Variants in LYPLA1 observed in about 807,000 individuals in gnomAD.
LYPLA1 encodes acyl-protein thioesterase 1.
In LYPLA1, 17 loss-of-function variants were observed where a neutral mutation model predicts 34.0. That is an observed-to-expected ratio of 0.50 (90% confidence interval 0.34 to 0.75). The LOEUF is 0.75. Ranked by LOEUF, LYPLA1 falls within the 30% of genes least tolerant of loss-of-function variation. LYPLA1 has a pLI of 0.01. For synonymous variants in LYPLA1, 98 were observed against 100.8 expected (o/e 0.97, Z 0.17); for missense variants, 203 against 288.8 (o/e 0.70, Z 2.15).
chr8:54,078,231 C>T (rs1182434160), intron 2 of LYPLA1, among the ~76,000 whole-genome samples: 2 of 152,094 alleles, frequency 1.3e-5, no homozygotes, highest in Admixed American at 6.6e-5. Flanking sequence ...GGATTACAAG[C>T]GTGAGCCACC....
intron 2 of LYPLA1, among the ~76,000 whole-genome samples, chr8:54,096,005 AATGTGAATGG>A (rs1420355621): frequency 6.6e-6 from 1 of 152,206 alleles, no homozygotes; most frequent in African/African-American, 2.4e-5. Context: ...AAATCAATGA[AATGTGAATGG>A]AGCTGGTGGA....
intron 5 of LYPLA1, among the ~76,000 whole-genome samples, chr8:54,062,015 C>T (rs910548067): frequency 1.4e-4 from 21 of 152,186 alleles, no homozygotes; most frequent in African/African-American, 4.1e-4. Flanking sequence ...ACCACCATAT[C>T]CAGCTAATTT....
chr8:54,049,855 CT>C (rs1176486650), intron 8 of LYPLA1, among the ~76,000 whole-genome samples: 5 of 152,172 alleles, frequency 3.3e-5, no homozygotes, highest in African/African-American at 9.6e-5. Flanking sequence ...TGCATTTTGG[CT>C]TTATCTACCC....
intron 2 of LYPLA1, among the ~76,000 whole-genome samples, chr8:54,097,656 C>G (rs1038798197): frequency 3.3e-5 from 5 of 152,188 alleles, no homozygotes; most frequent in African/African-American, 1.2e-4. Context: ...CAGCTGCCCA[C>G]AGTCAACTGT....
chr8:54,052,588 T>C, intron 7 of LYPLA1, 67 bp downstream of exon 7: 1 of 991,084 alleles, frequency 1.0e-6, no homozygotes, highest in Non-Finnish European at 1.6e-6. Context: ...GATGACTTTA[T>C]CTCCAACAAT....
chr8:54,089,798 T>C (rs1185814608), intron 2 of LYPLA1, among the ~76,000 whole-genome samples: 1 of 152,112 alleles, frequency 6.6e-6, no homozygotes, highest in East Asian at 1.9e-4. Context: ...CAATTTTTTG[T>C]ATTCTTTGTA....
At chr8:54,050,878 T>C (rs1805793041) in intron 8 of LYPLA1, 134 bp downstream of exon 8, 2 of 866,744 alleles carry the variant, frequency 2.3e-6, no homozygotes, top group Non-Finnish European at 3.6e-6. Context: ...CACACTCATC[T>C]AATGACTGCT....
intron 2 of LYPLA1, among the ~76,000 whole-genome samples, chr8:54,084,133 A>ATATATATATATATATATATATATAT (rs1808511933): frequency 8.3e-6 from 1 of 120,484 alleles, no homozygotes; most frequent in African/African-American, 4.6e-5. Flanking sequence ...AGAAAAAAAA[A>ATATATATATATATATATATATATAT]ATAAATAAAT....
At chr8:54,069,833 G>A (rs1187667855) in intron 2 of LYPLA1, among the ~76,000 whole-genome samples, 1 of 151,988 alleles carries the variant, frequency 6.6e-6, no homozygotes, top group East Asian at 1.9e-4. Context: ...AAAAAAATAG[G>A]CAAAAGACTT....
chr8:54,052,558 T>C, intron 7 of LYPLA1, 97 bp downstream of exon 7: 1 of 776,678 alleles, frequency 1.3e-6, no homozygotes, highest in African/African-American at 1.8e-5. Flanking sequence ...AAAATAAAGT[T>C]TATTAATAAA....
intron 5 of LYPLA1, among the ~76,000 whole-genome samples, chr8:54,056,512 C>T (rs574013126): frequency 6.4e-4 from 98 of 152,262 alleles, no homozygotes; most frequent in African/African-American, 2.2e-3. Flanking sequence ...AGACAACCCA[C>T]AGAATGGGAG....
chr8:54,091,597 G>GAA lies in LYPLA1; in HGVS notation c.101+9309_101+9310dup, dbSNP rs774984034. ...AAAGAAAGAAAAGGAAGGAAGGAAG[G>GAA]AAGGAAGGAAGGAAGGAAGGAAGGA... On this transcript the variant is annotated intron_variant, in intron 2 of 8. Transcript: ENST00000316963. 1.4e-3 allele frequency among the ~76,000 whole-genome samples: 179 copies of GAA among 124,330 alleles called. 2 individuals carry two copies. Among genetic ancestry groups the GAA allele is most frequent in the African/African-American group, 5.9e-3 (174 of 29,488 alleles). 81.6% of individuals were successfully genotyped at this position (124,330 alleles called of 152,430 possible). A position where few individuals can be genotyped will look rare whatever the true frequency, so the allele number is the denominator to read the frequency against.
intron 5 of LYPLA1, among the ~76,000 whole-genome samples, chr8:54,058,133 TTTTAAAATTGTACGTAGTTAAGTG>T (rs959831474): frequency 1.6e-4 from 24 of 152,236 alleles, no homozygotes; most frequent in Non-Finnish European, 3.1e-4. Context: ...AAAGTTGTCA[TTTTAAAATTGTACGTAGTTAAGTG>T]TTTAAAATTG....
intron 6 of LYPLA1, among the ~76,000 whole-genome samples, chr8:54,054,155 G>T (rs909755360): frequency 2.0e-5 from 3 of 152,034 alleles, no homozygotes; most frequent in Non-Finnish European, 2.9e-5. Flanking sequence ...GCTAATTTTT[G>T]TATTTTTAGT....
At chr8:54,052,244 C>T (rs1805895885) in intron 7 of LYPLA1, among the ~76,000 whole-genome samples, 1 of 152,130 alleles carries the variant, frequency 6.6e-6, no homozygotes, top group South Asian at 2.1e-4. Flanking sequence ...AGATTTGTGA[C>T]AATAAGGTTT....
At chr8:54,068,063 G>A (rs1020421562) in intron 2 of LYPLA1, among the ~76,000 whole-genome samples, 9 of 152,040 alleles carry the variant, frequency 5.9e-5, no homozygotes, top group African/African-American at 2.2e-4. Flanking sequence ...CATATAAAAA[G>A]ATTAGTAACA....
chr8:54,097,423 T>C (rs1023751941), intron 2 of LYPLA1, among the ~76,000 whole-genome samples: 1 of 152,166 alleles, frequency 6.6e-6, no homozygotes, highest in African/African-American at 2.4e-5. Context: ...TGTTCCAGAT[T>C]AAAAGAGACA....
chr8:54,097,506 T>G (rs1809780476), intron 2 of LYPLA1, among the ~76,000 whole-genome samples: 1 of 152,216 alleles, frequency 6.6e-6, no homozygotes, highest in African/African-American at 2.4e-5. Flanking sequence ...AGGATATTAA[T>G]GGAACAATCT....
intron 3 of LYPLA1, among the ~76,000 whole-genome samples, chr8:54,065,104 T>C (rs1806953453): frequency 6.6e-6 from 1 of 152,112 alleles, no homozygotes; most frequent in African/African-American, 2.4e-5. Flanking sequence ...TTAAAGAGTG[T>C]TTTCAACGTA....
Sources: allele counts gnomAD v4.1 joint callset (sites outside exome capture counted in the v4.1 genomes callset), GRCh38; gene constraint gnomAD v4.1.1; transcripts MANE v1.5; gene names NCBI Gene and HGNC (gene_info 2026-07-23, HGNC 2026-07-21).